Variants in RBFOX1 observed in about 807,000 individuals in gnomAD.
The protein encoded by RBFOX1 is RNA binding fox-1 homolog 1, also known as RNA binding protein fox-1 homolog 1.
A neutral mutation model predicts 57.7 loss-of-function variants in RBFOX1; 8 were observed. The observed-to-expected ratio is 0.14, with a 90% CI of 0.08 to 0.25. The LOEUF (loss-of-function observed/expected upper bound fraction) is 0.25, where lower values mean the gene tolerates loss of function less well. Among genes scored for constraint, RBFOX1 ranks in the 10% least tolerant of loss-of-function variants. RBFOX1 has a pLI of 1.00. For missense variants in RBFOX1, 611 were observed against 548.5 expected (o/e 1.11, Z -1.14); for synonymous variants, 326 against 222.4 (o/e 1.47, Z -4.15).
intron 3 of RBFOX1, among the ~76,000 whole-genome samples, chr16:7,026,551 C>T (rs897853460): frequency 6.6e-6 from 1 of 152,086 alleles, no homozygotes; most frequent in Non-Finnish European, 1.5e-5. Context: ...ACAGCTGCTT[C>T]ATACGGCTTC....
chr16:6,415,764 C>T (rs1031022722), intron 2 of RBFOX1, among the ~76,000 whole-genome samples: 6 of 152,162 alleles, frequency 3.9e-5, no homozygotes, highest in African/African-American at 1.2e-4. Context: ...CAATATGTAA[C>T]CCCCACAACC....
chr16:7,045,662 TTC>T (rs200553925), intron 3 of RBFOX1, among the ~76,000 whole-genome samples: 11,697 of 150,822 alleles, frequency 0.078, 717 homozygotes, highest in East Asian at 0.28. Flanking sequence ...CTTTTTTTTT[TTC>T]AATAGAGCGA....
rs2057078985 is a variant in RBFOX1 at position 5,856,606 on chromosome 16, A to ATATATATATAG, written c.319-10696_319-10695insATATATATAGT. ...ATATATATATATATATATATATATA[A>ATATATATATAG]TCTTAGCCAGATCTTCTGGATAACT... On this transcript the variant is annotated intron_variant, in intron 3 of 19. Coordinates refer to the RBFOX1 transcript ENST00000641259. Among the ~76,000 whole-genome samples the ATATATATATAG allele has an allele frequency of 8.8e-5, 3 of 34,126 alleles. No homozygotes were observed. In the Admixed American group the frequency reaches 8.9e-4, roughly 10 times the overall value. 22.4% of individuals were successfully genotyped at this position (34,126 alleles called of 152,430 possible). A position where few individuals can be genotyped will look rare whatever the true frequency, so the allele number is the denominator to read the frequency against.
Position 6,811,687 on chromosome 16 carries a change from T to G in RBFOX1, c.-16+157037T>G, listed in dbSNP as rs184398082. Reference sequence around the variant, plus strand: ...GGTAGATCATCTGAAGTCAGGAGTTTAAGACTAGCCTGGCCAATATGGTGA... The same window carrying G: ...GGTAGATCATCTGAAGTCAGGAGTTGAAGACTAGCCTGGCCAATATGGTGA... On this transcript the variant is annotated intron_variant, in intron 3 of 15. Coordinates refer to ENST00000550418, the MANE Select transcript of RBFOX1 (RefSeq NM_018723.4). Among the ~76,000 whole-genome samples the G allele has an allele frequency of 2.0e-5, 3 of 152,214 alleles. No homozygotes were observed. In the East Asian group the frequency reaches 5.8e-4, roughly 30 times the overall value.
At chr16:7,320,162 C>G (rs1332717009) in intron 4 of RBFOX1, among the ~76,000 whole-genome samples, 1 of 152,092 alleles carries the variant, frequency 6.6e-6, no homozygotes. Context: ...GTTGTCTGCA[C>G]CCATCAACCC....
chr16:7,709,999 T>G, intron 15 of RBFOX1: 2 of 1,008,336 alleles, frequency 2.0e-6, no homozygotes, highest in East Asian at 1.1e-4. Flanking sequence ...AGGAAATCGT[T>G]AAGTGCCACC....
chr16:7,579,681 C>G (rs561412736), intron 5 of RBFOX1, 96 bp from the exon 6 acceptor site: 1 of 1,480,362 alleles, frequency 6.8e-7, no homozygotes. Flanking sequence ...TTGCTTAGTT[C>G]TGATCTTTTC....
chr16:6,019,508 G>A lies in RBFOX1; in HGVS notation c.-611G>A, dbSNP rs974118591. On this transcript the variant is annotated 5_prime_UTR_variant, in exon 1 of 16. Transcript: ENST00000550418. The surrounding 1 kb of genome is among the most constrained non-coding windows in gnomAD (Gnocchi z 4.2). Reference sequence around the variant, plus strand: ...CCGCCCCAGCCCCCCAGCAGCACCCGCGGTGGGGCGGGGGCGCTCTGCCAG... The same window carrying A: ...CCGCCCCAGCCCCCCAGCAGCACCCACGGTGGGGCGGGGGCGCTCTGCCAG... The A allele has an allele frequency of 1.9e-6, 2 of 1,034,670 alleles. No individual in the cohort carries two copies. The highest frequency in any genetic ancestry group is 1.5e-4 in the East Asian group (2 of 13,344). The allele number at this position is 1,034,670 out of a possible 1,614,324, so 64.1% of individuals were successfully genotyped here. A position where few individuals can be genotyped will look rare whatever the true frequency, so the allele number is the denominator to read the frequency against.
In RBFOX1 at chr16:7,567,162, TCC is replaced by T. The variant is rs1383862151; in HGVS notation, c.271-12614_271-12613del. On this transcript the variant is annotated intron_variant, in intron 5 of 15. Transcript: ENST00000550418. Reference sequence around the variant, plus strand: ...ATCCATATATATCCCTATATATATATCCATATATATATCCCTATATAAATATC... The same window carrying T: ...ATCCATATATATCCCTATATATATATATATATATATCCCTATATAAATATC... Among the ~76,000 whole-genome samples the T allele has an allele frequency of 2.1e-3, 308 of 146,272 alleles. 3 individuals are homozygous for T. The highest frequency in any genetic ancestry group is 7.4e-3 in the African/African-American group (292 of 39,450).
At chr16:7,063,820 A>G (rs1568610003) in intron 4 of RBFOX1, among the ~76,000 whole-genome samples, 1 of 152,238 alleles carries the variant, frequency 6.6e-6, no homozygotes, top group Admixed American at 6.5e-5. Flanking sequence ...TGCATCAGGT[A>G]TTCAAGTAAT....
chr16:6,189,776 T>A (rs947444960), intron 1 of RBFOX1, among the ~76,000 whole-genome samples: 2 of 152,330 alleles, frequency 1.3e-5, no homozygotes, highest in Admixed American at 6.5e-5. Context: ...TTTAAAAAAA[T>A]TATTCCATGG....
At chr16:5,885,614 T>C (rs138131248) in intron 4 of RBFOX1, among the ~76,000 whole-genome samples, 40 of 152,254 alleles carry the variant, frequency 2.6e-4, no homozygotes, top group African/African-American at 8.9e-4. Context: ...CCTGGCTTGA[T>C]TGGAGTTGTC....
chr16:6,720,762 C>T (rs1163416485), intron 3 of RBFOX1, among the ~76,000 whole-genome samples: 1 of 152,082 alleles, frequency 6.6e-6, no homozygotes, highest in Non-Finnish European at 1.5e-5. Flanking sequence ...GAGTGTGCCA[C>T]CTTTTTTATT....
intron 2 of RBFOX1, among the ~76,000 whole-genome samples, chr16:6,602,216 A>C (rs1465792149): frequency 6.6e-6 from 1 of 152,112 alleles, no homozygotes; most frequent in Non-Finnish European, 1.5e-5. Flanking sequence ...CATTCTCGGT[A>C]TTCATTCCTG....
chr16:6,540,088 C>G (rs2096792580), intron 2 of RBFOX1, among the ~76,000 whole-genome samples: 1 of 152,122 alleles, frequency 6.6e-6, no homozygotes, highest in Admixed American at 6.6e-5. Context: ...AATAGAGAAG[C>G]AGGCTGCCCT....
At chr16:6,969,319 G>C (rs904767128) in intron 3 of RBFOX1, among the ~76,000 whole-genome samples, 1 of 152,170 alleles carries the variant, frequency 6.6e-6, no homozygotes, top group African/African-American at 2.4e-5. Context: ...GCGGGGTCAG[G>C]ATTAGGGTGC....
At chr16:5,514,813 G>A (rs1348437296) in intron 2 of RBFOX1, among the ~76,000 whole-genome samples, 1 of 152,080 alleles carries the variant, frequency 6.6e-6, no homozygotes, top group African/African-American at 2.4e-5. Context: ...ACATAGTTCT[G>A]CCTTCCAGGA....
At chr16:6,615,973 C>T (rs2098135383) in intron 2 of RBFOX1, among the ~76,000 whole-genome samples, 1 of 152,160 alleles carries the variant, frequency 6.6e-6, no homozygotes. Context: ...GACGTTGTAG[C>T]TTGACTTGCT....
chr16:6,611,151 T>C (rs2098044229), intron 2 of RBFOX1, among the ~76,000 whole-genome samples: 1 of 152,104 alleles, frequency 6.6e-6, no homozygotes, highest in Admixed American at 6.5e-5. Context: ...TGTGTAGTTA[T>C]TTTTTTGAGG....
Sources: allele counts gnomAD v4.1 joint callset (sites outside exome capture counted in the v4.1 genomes callset), GRCh38; gene constraint gnomAD v4.1.1; non-coding constraint Gnocchi (gnomAD v3.1); transcripts MANE v1.5; gene names NCBI Gene and HGNC (gene_info 2026-07-23, HGNC 2026-07-21).